Variants in NCBP3 observed in about 807,000 individuals in gnomAD.
NCBP3 encodes the protein nuclear cap-binding protein subunit 3.
A neutral mutation model predicts 75.7 loss-of-function variants in NCBP3; 20 were observed. The observed-to-expected ratio is 0.26, with a 90% CI of 0.19 to 0.38. NCBP3 has a LOEUF of 0.38. Among genes scored for constraint, NCBP3 ranks in the 10% least tolerant of loss-of-function variants. The probability of loss-of-function intolerance (pLI) is 1.00; values close to 1 mark genes in which losing one functional copy is unlikely to be tolerated. For missense variants in NCBP3, 678 were observed against 796.9 expected (o/e 0.85, Z 1.80); for synonymous variants, 293 against 290.5 (o/e 1.01, Z -0.09).
Position 3,803,870 on chromosome 17 carries a change from TC to T in NCBP3, c.*9173del, listed in dbSNP as rs1358333113. On this transcript the variant is annotated 3_prime_UTR_variant, in exon 13 of 13. Coordinates refer to ENST00000389005, the MANE Select transcript of NCBP3 (RefSeq NM_001114118.3). ...GCGGGCGGATCACAAAGTCAGGAGA[TC>T]GAGACCATCCTGGCTAACACGGTGA... 1 of 151,050 alleles carries T rather than the reference TC, an allele frequency of 6.6e-6. No individual in the cohort carries two copies. The highest frequency in any genetic ancestry group is 1.5e-5 in the Non-Finnish European group (1 of 67,746). The allele number at this position is 151,050 out of a possible 1,614,324, so 9.4% of individuals were successfully genotyped here.
intron 10 of NCBP3, 24 bp from the exon 11 acceptor site, chr17:3,816,294 G>A (rs991808776): frequency 6.2e-7 from 1 of 1,602,548 alleles, no homozygotes; most frequent in Non-Finnish European, 8.5e-7. Flanking sequence ...GTAGGATGGG[G>A]CACAGTTAAC....
At chr17:3,843,354 T>A (rs2054100844) in intron 1 of NCBP3, among the ~76,000 whole-genome samples, 1 of 150,340 alleles carries the variant, frequency 6.7e-6, no homozygotes, top group Admixed American at 6.7e-5. Flanking sequence ...CACGCCATCC[T>A]CCCCCTCAGC....
intron 10 of NCBP3, among the ~76,000 whole-genome samples, chr17:3,816,829 C>G (rs1385502296): frequency 6.6e-6 from 1 of 151,796 alleles, no homozygotes. Flanking sequence ...GTCAGGAGAT[C>G]GAGACCATCC....
chr17:3,813,502 G>A (rs902785008), intron 12 of NCBP3, among the ~76,000 whole-genome samples: 6 of 152,098 alleles, frequency 3.9e-5, no homozygotes, highest in Non-Finnish European at 7.4e-5. Context: ...TCTCACCGTG[G>A]GGGGACAGGT....
rs1190288835 is a variant in NCBP3, at chr17:3,814,478, G to A, written c.1471C>T (p.Arg491Cys). Residue 491 changes from arginine (R) to cysteine (C), a missense_variant, in exon 12 of 13, where the codon CGC becomes TGC. Coordinates refer to ENST00000389005, the MANE Select transcript of NCBP3 (RefSeq NM_001114118.3). The part of the protein sequence containing the change: ...PPVSSTKSDI[R>C]QRLGKRPHSP... ...TGTGGTCTTTTTCCTAACCGCTGGC[G>A]TATATCTGAAAAAAGAGAAAAAGTG... is the stretch of plus-strand genomic sequence containing the variant. 5.0e-6 allele frequency: 8 copies of A among 1,613,866 alleles called. No individual in the cohort carries two copies. The highest frequency in any genetic ancestry group is 1.1e-5 in the South Asian group (1 of 91,072).
In NCBP3 at chr17:3,811,774, CTG is replaced by C. The variant is rs1174504041; in HGVS notation, c.*1268_*1269del. On this transcript the variant is annotated 3_prime_UTR_variant, in exon 13 of 13. Coordinates refer to ENST00000389005, the MANE Select transcript of NCBP3 (RefSeq NM_001114118.3). ...TGTTCCAGCAAACCGAAGAAAAACA[CTG>C]TTTCTTAAAACTGCAGAGGAATACA... The C allele has an allele frequency of 6.6e-6, 1 of 152,200 alleles. No homozygotes were observed. Among genetic ancestry groups the C allele is most frequent in the Admixed American group, 6.5e-5 (1 of 15,268 alleles). 9.4% of individuals were successfully genotyped at this position (152,200 alleles called of 1,614,324 possible). A position where few individuals can be genotyped will look rare whatever the true frequency, so the allele number is the denominator to read the frequency against.
intron 12 of NCBP3, among the ~76,000 whole-genome samples, 187 bp from the exon 13 acceptor site, chr17:3,813,466 G>A (rs920218584): frequency 6.6e-6 from 1 of 152,134 alleles, no homozygotes; most frequent in African/African-American, 2.4e-5. Context: ...GCCCGCAAAC[G>A]GAAGGGTCTG....
chr17:3,837,117 C>G (rs532975392), intron 3 of NCBP3, among the ~76,000 whole-genome samples: 43 of 150,850 alleles, frequency 2.9e-4, no homozygotes, highest in Non-Finnish European at 4.6e-4. Flanking sequence ...CACTGCACTC[C>G]AGCCTGGGTG....
Position 3,818,487 on chromosome 17 carries a change from G to T in NCBP3, c.1086C>A (p.Asp362Glu). 5 of 1,613,790 alleles carry T rather than the reference G, an allele frequency of 3.1e-6. No individual in the cohort carries two copies. Among genetic ancestry groups the T allele is most frequent in the Non-Finnish European group, 4.2e-6 (5 of 1,180,016 alleles). Reference sequence around the variant, plus strand: ...CCACCACTCTGTCATCTGCATCCATGTCCTGGTCTTCTTCTTCCTCTTCCT... The same window carrying T: ...CCACCACTCTGTCATCTGCATCCATTTCCTGGTCTTCTTCTTCCTCTTCCT... ...EEEEEEEEDQ[D>E]MDADDRVVVE... Residue 362 changes from aspartate to glutamate, a missense_variant, in exon 10 of 13, where the codon GAC becomes GAA. Transcript: ENST00000389005. This position sits in a 1 kb window ranked among gnomAD's most constrained non-coding sequence, Gnocchi z 4.7.
intron 7 of NCBP3, among the ~76,000 whole-genome samples, chr17:3,823,348 C>T (rs779273521): frequency 6.6e-6 from 1 of 151,936 alleles, no homozygotes; most frequent in South Asian, 2.1e-4. Context: ...CGTCTCAAAA[C>T]AAACAAAAAA....
At position 3,818,963 on chromosome 17, in the gene NCBP3, TCAAA is replaced by T. The variant is rs1326113689; in HGVS notation, c.1001-395_1001-392del. On this transcript the variant is annotated intron_variant, in intron 9 of 12. Coordinates refer to ENST00000389005, the MANE Select transcript of NCBP3 (RefSeq NM_001114118.3). This position sits in a 1 kb window ranked among gnomAD's most constrained non-coding sequence, Gnocchi z 4.7. ...CAGGCACACACACTCCCAGTGGAGGTCAAACAAAGCAACACTCCACCTTCCTGTT... is the reference window on the plus strand; with the variant it reads ...CAGGCACACACACTCCCAGTGGAGGTCAAAGCAACACTCCACCTTCCTGTT... 1.3e-5 allele frequency among the ~76,000 whole-genome samples: 2 copies of T among 151,940 alleles called. No individual in the cohort carries two copies. Among genetic ancestry groups the T allele is most frequent in the Non-Finnish European group, 2.9e-5 (2 of 67,986 alleles).
rs944685591 is a variant in NCBP3, at chr17:3,805,806, G to C, written c.*7238C>G. 6 of 152,308 alleles carry C rather than the reference G, an allele frequency of 3.9e-5. No homozygotes were observed. Among genetic ancestry groups the C allele is most frequent in the East Asian group, 1.9e-4 (1 of 5,196 alleles). The allele number at this position is 152,308 out of a possible 1,614,324, so 9.4% of individuals were successfully genotyped here. ...ACGCGTTAGCACTAGAAGGAAACTG[G>C]AGCTCACCCCAGTTGAGCCCTCCAT... On this transcript the variant is annotated 3_prime_UTR_variant, in exon 13 of 13. Transcript: ENST00000389005.
intron 3 of NCBP3, among the ~76,000 whole-genome samples, chr17:3,838,419 G>A (rs991619422): frequency 3.3e-5 from 5 of 152,260 alleles, no homozygotes; most frequent in African/African-American, 1.2e-4. Context: ...GCACATGAAG[G>A]TCAAGCCACA....
chr17:3,822,163 A>G (rs1370080567), intron 7 of NCBP3, 111 bp from the exon 8 acceptor site: 2 of 734,536 alleles, frequency 2.7e-6, no homozygotes, highest in South Asian at 1.8e-5. Context: ...CAATTTGCCA[A>G]CAAAAAGTAA....
At chr17:3,837,379 C>A (rs1199679672) in intron 3 of NCBP3, among the ~76,000 whole-genome samples, 1 of 151,428 alleles carries the variant, frequency 6.6e-6, no homozygotes, top group Non-Finnish European at 1.5e-5. Flanking sequence ...TGCCTGTAAT[C>A]CTAGCTACTC....
rs967493784 is a variant in NCBP3, at chr17:3,805,573, G to C, written c.*7471C>G. 1.3e-5 allele frequency: 2 copies of C among 152,434 alleles called. No homozygotes were observed. The highest frequency in any genetic ancestry group is 4.8e-5 in the African/African-American group (2 of 41,434). The allele number at this position is 152,434 out of a possible 1,614,324, so 9.4% of individuals were successfully genotyped here. On this transcript the variant is annotated 3_prime_UTR_variant, in exon 13 of 13. Transcript: ENST00000389005. ...ATCCTCCGGCCTCAGATCTGTGGGG[G>C]ACTGCGGGGGTGATGGGACAGGGAG...
chr17:3,817,083 G>T (rs1245418288), intron 10 of NCBP3, among the ~76,000 whole-genome samples: 1 of 151,938 alleles, frequency 6.6e-6, no homozygotes, highest in African/African-American at 2.4e-5. Context: ...AAATCAGCTT[G>T]AATGGTCTTT....
chr17:3,839,568 A>G (rs2054030691), intron 3 of NCBP3, among the ~76,000 whole-genome samples: 2 of 152,084 alleles, frequency 1.3e-5, no homozygotes, highest in Admixed American at 1.3e-4. Flanking sequence ...GGTTGGTCTC[A>G]AACTCCTGAC....
chr17:3,834,766 C>A (rs1355634369), intron 3 of NCBP3, among the ~76,000 whole-genome samples: 1 of 151,916 alleles, frequency 6.6e-6, no homozygotes, highest in Non-Finnish European at 1.5e-5. Flanking sequence ...AAATAAATAA[C>A]CAAATCTTTC....
Sources: gnomAD v4.1 joint callset for allele counts (sites outside exome capture counted in the v4.1 genomes callset) on GRCh38, gnomAD v4.1.1 for gene constraint, Gnocchi (gnomAD v3.1) non-coding constraint, MANE v1.5 for transcripts, NCBI Gene and HGNC (gene_info 2026-07-23, HGNC 2026-07-21) for gene names.